Variants in SFMBT2 observed in about 807,000 individuals in gnomAD.
The protein encoded by SFMBT2 is scm-like with four MBT domains protein 2.
A neutral mutation model predicts 110.1 loss-of-function variants in SFMBT2; 38 were observed. The observed-to-expected ratio is 0.35, with a 90% CI of 0.27 to 0.45. The LOEUF (loss-of-function observed/expected upper bound fraction) is 0.45, where lower values mean the gene tolerates loss of function less well. Among genes scored for constraint, SFMBT2 ranks in the 20% least tolerant of loss-of-function variants. The pLI is 1.00. For synonymous variants in SFMBT2, 425 were observed against 425.4 expected (o/e 1.00, Z 0.01); for missense variants, 1,011 against 1,094.9 (o/e 0.92, Z 1.08).
At chr10:7,207,668 G>A (rs982097325) in intron 11 of SFMBT2, 8 of 947,848 alleles carry the variant, frequency 8.4e-6, no homozygotes, top group African/African-American at 1.8e-5. Context: ...ATAACTTCAC[G>A]AAGCTAAATG....
At chr10:7,385,869 G>A (rs1413898054) in intron 1 of SFMBT2, among the ~76,000 whole-genome samples, 3 of 152,070 alleles carry the variant, frequency 2.0e-5, no homozygotes, top group Admixed American at 1.3e-4. Flanking sequence ...GCGTGGTGGT[G>A]GGCACCTGTA....
At chr10:7,372,502 T>C (rs111935074) in intron 2 of SFMBT2, among the ~76,000 whole-genome samples, 1,599 of 152,308 alleles carry the variant, frequency 0.01, 32 homozygotes, top group African/African-American at 0.036. Context: ...CACCCAGGGA[T>C]TGACGCCCTT....
At chr10:7,290,420 T>A (rs1381437993) in intron 4 of SFMBT2, among the ~76,000 whole-genome samples, 1 of 152,038 alleles carries the variant, frequency 6.6e-6, no homozygotes, top group African/African-American at 2.4e-5. Flanking sequence ...CACATCACAG[T>A]GAAGGAAGGA....
chr10:7,369,596 G>A (rs10905155), intron 3 of SFMBT2, among the ~76,000 whole-genome samples: 32,394 of 152,124 alleles, frequency 0.21, 3,953 homozygotes, highest in South Asian at 0.43. Flanking sequence ...CATATTTATG[G>A]TTAGTTCCTC....
intron 4 of SFMBT2, chr10:7,320,718 C>T (rs1174683936): frequency 4.5e-5 from 27 of 601,252 alleles, no homozygotes; most frequent in Admixed American, 1.3e-4. Flanking sequence ...CAGTGTTTTG[C>T]GGGCTGACAT....
intron 7 of SFMBT2, among the ~76,000 whole-genome samples, chr10:7,254,414 A>T (rs991017874): frequency 6.6e-6 from 1 of 152,090 alleles, no homozygotes; most frequent in Non-Finnish European, 1.5e-5. Context: ...TTCAAAACAA[A>T]TTTTTTTACT....
intron 1 of SFMBT2, among the ~76,000 whole-genome samples, chr10:7,404,157 G>A (rs1422294709): frequency 6.6e-6 from 1 of 152,156 alleles, no homozygotes; most frequent in Admixed American, 6.5e-5. Context: ...GAGTAAACAG[G>A]TAATTTCATA....
At chr10:7,328,081 A>C (rs1266761659) in intron 4 of SFMBT2, among the ~76,000 whole-genome samples, 3 of 152,236 alleles carry the variant, frequency 2.0e-5, no homozygotes, top group African/African-American at 7.2e-5. Flanking sequence ...GCATGGGATC[A>C]CACCACTAGC....
At chr10:7,186,910 C>T (rs1838431880) in intron 16 of SFMBT2, among the ~76,000 whole-genome samples, 1 of 152,200 alleles carries the variant, frequency 6.6e-6, no homozygotes, top group South Asian at 2.1e-4. Context: ...TTCAGACAGA[C>T]ATTTTCTCAT....
intron 11 of SFMBT2, among the ~76,000 whole-genome samples, chr10:7,208,557 G>A (rs1839227398): frequency 6.6e-6 from 1 of 151,954 alleles, no homozygotes. Flanking sequence ...ATGGTGGAGG[G>A]TGCCTGTAAT....
intron 7 of SFMBT2, among the ~76,000 whole-genome samples, chr10:7,272,204 G>A (rs1214019644): frequency 1.3e-5 from 2 of 152,138 alleles, no homozygotes; most frequent in African/African-American, 4.8e-5. Flanking sequence ...GGTTAAAACA[G>A]CAGGCTGAAA....
intron 6 of SFMBT2, among the ~76,000 whole-genome samples, chr10:7,281,171 G>A (rs1479016822): frequency 6.6e-6 from 1 of 152,148 alleles, no homozygotes; most frequent in Non-Finnish European, 1.5e-5. Context: ...ACTTGAACCT[G>A]GGAGGTTGAG....
intron 6 of SFMBT2, among the ~76,000 whole-genome samples, chr10:7,281,680 G>A (rs1325402179): frequency 2.6e-5 from 4 of 152,180 alleles, no homozygotes; most frequent in Non-Finnish European, 5.9e-5. Flanking sequence ...TGATGTAGCA[G>A]AATCCAGTTT....
chr10:7,168,478 C>T (rs1439529045), intron 20 of SFMBT2, among the ~76,000 whole-genome samples: 1 of 152,224 alleles, frequency 6.6e-6, no homozygotes, highest in Admixed American at 6.5e-5. Context: ...CTTTAGCTAT[C>T]AGAAGGCACC....
intron 9 of SFMBT2, among the ~76,000 whole-genome samples, chr10:7,232,436 G>GA (rs113029056): frequency 0.048 from 7,261 of 151,750 alleles, 238 homozygotes; most frequent in African/African-American, 0.09. Context: ...AACACTGGAG[G>GA]AAAAAAAATG....
chr10:7,199,612 G>A (rs1838888884), intron 14 of SFMBT2, among the ~76,000 whole-genome samples: 2 of 152,186 alleles, frequency 1.3e-5, no homozygotes, highest in Non-Finnish European at 2.9e-5. Context: ...ATATAAAACA[G>A]GAAAAATAAT....
At chr10:7,279,082 A>AG (rs201893424) in intron 6 of SFMBT2, among the ~76,000 whole-genome samples, 1 of 42,822 alleles carries the variant, frequency 2.3e-5, no homozygotes, top group Non-Finnish European at 6.4e-5. Flanking sequence ...CTTCATCTCC[A>AG]AAAAAAAAAA....
At chr10:7,342,083 T>TAA (rs34326199) in intron 4 of SFMBT2, among the ~76,000 whole-genome samples, 8 of 136,318 alleles carry the variant, frequency 5.9e-5, no homozygotes, top group Non-Finnish European at 6.3e-5. Context: ...ACTGCCTCAT[T>TAA]AAAAAAAAAA....
At chr10:7,323,470 C>CAA (rs34153060) in intron 4 of SFMBT2, among the ~76,000 whole-genome samples, 7,718 of 120,386 alleles carry the variant, frequency 0.064, 292 homozygotes, top group African/African-American at 0.11. Flanking sequence ...AAAAAAAAAC[C>CAA]AAAAAAAAAA....
Sources: gnomAD v4.1 joint callset for allele counts (sites outside exome capture counted in the v4.1 genomes callset) on GRCh38, gnomAD v4.1.1 for gene constraint, MANE v1.5 for transcripts, NCBI Gene and HGNC (gene_info 2026-07-23, HGNC 2026-07-21) for gene names.